Variants in HK2 observed in about 807,000 individuals in gnomAD.
HK2 encodes hexokinase-2.
A neutral mutation model predicts 92.9 loss-of-function variants in HK2; 42 were observed. The ratio of observed to expected loss-of-function variants is 0.45; its 90% CI spans 0.35 to 0.58. The LOEUF (loss-of-function observed/expected upper bound fraction) is 0.58. Among genes scored for constraint, HK2 ranks in the 20% least tolerant of loss-of-function variants. HK2 has a pLI of 0.00. For missense variants in HK2, 978 were observed against 1,245.1 expected (o/e 0.79, Z 3.23); for synonymous variants, 422 against 468.0 (o/e 0.90, Z 1.27).
chr2:74,837,134 G>A (rs1378585166), intron 1 of HK2, among the ~76,000 whole-genome samples: 1 of 152,206 alleles, frequency 6.6e-6, no homozygotes, highest in Non-Finnish European at 1.5e-5. Flanking sequence ...ATTCAAATCA[G>A]CCCCATGAGG....
intron 1 of HK2, among the ~76,000 whole-genome samples, chr2:74,836,635 A>C (rs994851133): frequency 1.3e-5 from 2 of 152,210 alleles, no homozygotes; most frequent in African/African-American, 4.8e-5. Flanking sequence ...CTAAACTACC[A>C]ATAGGGGCAG....
chr2:74,834,628 T>C lies in HK2; in HGVS notation c.48T>C (p.His16=), dbSNP rs1688104683. ...LLAYFFTELN[H]DQVQKVDQYL... ...CCTACTTCTTCACGGAGCTCAACCATGACCAAGTGCAGAAGGTAAGTCAGC... is the reference window on the plus strand; with the variant it reads ...CCTACTTCTTCACGGAGCTCAACCACGACCAAGTGCAGAAGGTAAGTCAGC... The change falls in exon 1 of 18, where the codon CAT becomes CAC. Residue 16 remains histidine, a synonymous_variant. Transcript: ENST00000290573. This position sits in a 1 kb window ranked among gnomAD's most constrained non-coding sequence, Gnocchi z 4.2. 1 of 1,613,790 alleles carries C rather than the reference T, an allele frequency of 6.2e-7. No homozygotes were observed. Among genetic ancestry groups the C allele is most frequent in the African/African-American group, 1.3e-5 (1 of 74,918 alleles).
chr2:74,847,876 G>T (rs1398496018), intron 1 of HK2, among the ~76,000 whole-genome samples: 2 of 152,214 alleles, frequency 1.3e-5, no homozygotes, highest in Non-Finnish European at 1.5e-5. Context: ...GGACTGAATG[G>T]CTAGGGAAGC....
At chr2:74,839,888 G>T (rs1311005744) in intron 1 of HK2, among the ~76,000 whole-genome samples, 1 of 150,238 alleles carries the variant, frequency 6.7e-6, no homozygotes, top group Non-Finnish European at 1.5e-5. Context: ...TCTTGACCTC[G>T]TGATCTGCCC....
At chr2:74,878,620 C>T in intron 8 of HK2, 68 bp from the exon 9 acceptor site, 4 of 1,265,814 alleles carry the variant, frequency 3.2e-6, no homozygotes, top group African/African-American at 1.5e-5. Context: ...TTCCTTGCCA[C>T]CCCCCGACAC....
At chr2:74,871,822 C>A (rs1234026107) in intron 3 of HK2, among the ~76,000 whole-genome samples, 1 of 152,140 alleles carries the variant, frequency 6.6e-6, no homozygotes, top group East Asian at 1.9e-4. Context: ...CTGCAAACCA[C>A]CCCCCACCCC....
rs1461716466 is a variant in HK2, at chr2:74,892,179, ATTC to A, written c.*1241_*1243del. The stretch of plus-strand genomic sequence containing the variant: ...ATGGACTCATGGCTTAGAAATCTTT[ATTC>A]TTAGGGCAGTCAGTAGTATTCTAAA... On this transcript the variant is annotated 3_prime_UTR_variant, in exon 18 of 18. Coordinates refer to ENST00000290573, the MANE Select transcript of HK2 (RefSeq NM_000189.5). 2 of 152,350 alleles carry A rather than the reference ATTC, an allele frequency of 1.3e-5. No homozygotes were observed. The highest frequency in any genetic ancestry group is 1.5e-5 in the Non-Finnish European group (1 of 68,034). 9.4% of individuals were successfully genotyped at this position (152,350 alleles called of 1,614,324 possible).
At chr2:74,877,827 G>A (rs1024165994) in intron 8 of HK2, among the ~76,000 whole-genome samples, 4 of 152,254 alleles carry the variant, frequency 2.6e-5, no homozygotes, top group Admixed American at 6.5e-5. Context: ...AGGGGCAAGA[G>A]TGAGGATGGC....
chr2:74,865,892 T>A (rs1688934210), intron 2 of HK2, among the ~76,000 whole-genome samples: 1 of 152,094 alleles, frequency 6.6e-6, no homozygotes, highest in Non-Finnish European at 1.5e-5. Context: ...GAGTTCTTGG[T>A]CCTGCACCAC....
rs1689657268 is a variant in HK2, at chr2:74,890,785, C to T, written c.2610-12C>T. 6.2e-7 allele frequency: 1 copy of T among 1,614,126 alleles called. No individual in the cohort carries two copies. Among genetic ancestry groups the T allele is most frequent in the Non-Finnish European group, 8.5e-7 (1 of 1,180,006 alleles). On this transcript the variant is annotated splice_polypyrimidine_tract_variant and intron_variant, in intron 17 of 17. Coordinates refer to ENST00000290573, the MANE Select transcript of HK2 (RefSeq NM_000189.5). ...GATGGTTTTTCCTGTGTCTTCCTCC[C>T]ACCTTTTCCAGCTTTGCCAAAGTCA... is the stretch of plus-strand genomic sequence containing the variant.
intron 7 of HK2, 99 bp downstream of exon 7, chr2:74,874,548 C>T: frequency 8.3e-7 from 1 of 1,203,450 alleles, no homozygotes; most frequent in Non-Finnish European, 1.2e-6. Flanking sequence ...AGTCTTACAT[C>T]CCCAAAGCTT....
At chr2:74,861,028 C>G (rs979486331) in intron 2 of HK2, among the ~76,000 whole-genome samples, 1 of 152,314 alleles carries the variant, frequency 6.6e-6, no homozygotes, top group East Asian at 1.9e-4. Context: ...CACAACCCTG[C>G]GTGTGACTGT....
At chr2:74,889,061 G>A (rs1376245629) in intron 16 of HK2, among the ~76,000 whole-genome samples, 184 bp from the exon 17 acceptor site, 1 of 152,222 alleles carries the variant, frequency 6.6e-6, no homozygotes, top group Non-Finnish European at 1.5e-5. Context: ...GTCAGGAAGA[G>A]TCAATGCAGT....
chr2:74,887,031 G>A (rs1306375833), intron 15 of HK2, among the ~76,000 whole-genome samples: 1 of 152,146 alleles, frequency 6.6e-6, no homozygotes, highest in Non-Finnish European at 1.5e-5. Context: ...TTCCAGCGCC[G>A]AGCACCACCT....
intron 7 of HK2, among the ~76,000 whole-genome samples, chr2:74,876,629 A>G (rs760800953): frequency 9.9e-5 from 15 of 151,764 alleles, no homozygotes; most frequent in Non-Finnish European, 2.2e-4. Context: ...CTCTATCCCA[A>G]CCTGCCTTTA....
intron 1 of HK2, among the ~76,000 whole-genome samples, chr2:74,838,958 T>G (rs1214806354): frequency 6.6e-6 from 1 of 152,180 alleles, no homozygotes; most frequent in Admixed American, 6.5e-5. Flanking sequence ...CTCTGACCAT[T>G]GACCAAATTG....
chr2:74,840,239 G>A (rs1240231330), intron 1 of HK2, among the ~76,000 whole-genome samples: 4 of 150,832 alleles, frequency 2.7e-5, no homozygotes, highest in East Asian at 2.0e-4. Context: ...TTACTTTGGC[G>A]TGAGCCACCG....
At chr2:74,864,647 C>T (rs1225053736) in intron 2 of HK2, among the ~76,000 whole-genome samples, 1 of 152,146 alleles carries the variant, frequency 6.6e-6, no homozygotes, top group East Asian at 1.9e-4. Context: ...ACTGGGATTA[C>T]AGGGCTACGC....
chr2:74,890,964 T>A lies in HK2; in HGVS notation c.*23T>A. 6.2e-7 allele frequency: 1 copy of A among 1,613,032 alleles called. No individual in the cohort carries two copies. The highest frequency in any genetic ancestry group is 8.5e-7 in the Non-Finnish European group (1 of 1,179,624). On this transcript the variant is annotated 3_prime_UTR_variant, in exon 18 of 18. Coordinates refer to ENST00000290573, the MANE Select transcript of HK2 (RefSeq NM_000189.5). Reference sequence around the variant, plus strand: ...TAGAACCCCTGAAATCGGAAGGGACTTCCTCTTTCTCTCCTTCTTCCCTGT... The same window carrying A: ...TAGAACCCCTGAAATCGGAAGGGACATCCTCTTTCTCTCCTTCTTCCCTGT...
Sources: gnomAD v4.1 joint callset for allele counts (sites outside exome capture counted in the v4.1 genomes callset) on GRCh38, gnomAD v4.1.1 for gene constraint, Gnocchi (gnomAD v3.1) non-coding constraint, MANE v1.5 for transcripts, NCBI Gene and HGNC (gene_info 2026-07-23, HGNC 2026-07-21) for gene names.